Variants in NAV1 observed in about 807,000 individuals in gnomAD.
NAV1 encodes pore membrane and/or filament interacting like protein 3.
NAV1 carries 18 observed loss-of-function variants against 175.2 expected under a neutral mutation model. The observed-to-expected ratio is 0.10, with a 90% CI of 0.07 to 0.15. NAV1 has a LOEUF of 0.15. NAV1 is among the 10% of genes least tolerant of loss of function. NAV1 has a pLI of 1.00. For synonymous variants in NAV1, 897 were observed against 978.7 expected (o/e 0.92, Z 1.56); for missense variants, 1,731 against 2,436.6 (o/e 0.71, Z 6.10).
chr1:201,701,702 A>G (rs1671433766), intron 1 of NAV1, among the ~76,000 whole-genome samples: 1 of 152,268 alleles, frequency 6.6e-6, no homozygotes, highest in Admixed American at 6.5e-5. Context: ...CTTCATACCC[A>G]CTGGATGGCT....
At chr1:201,731,340 C>T (rs545405298) in intron 3 of NAV1, among the ~76,000 whole-genome samples, 25 of 152,068 alleles carry the variant, frequency 1.6e-4, no homozygotes, top group South Asian at 1.0e-3. Flanking sequence ...ACAGGCCCGC[C>T]GATGTGCAGG....
At position 201,692,718 on chromosome 1, in the gene NAV1, T is replaced by C. The variant is rs78432756; in HGVS notation, c.758-20099T>C. Among the ~76,000 whole-genome samples the C allele has an allele frequency of 3.3e-3, 503 of 152,326 alleles. 3 individuals carry two copies. In the East Asian group the frequency reaches 0.039, roughly 12 times the overall value. On this transcript the variant is annotated intron_variant, in intron 1 of 29. Transcript: ENST00000367296. ...TGGAACAGGGCTATCTCTAAGTCTG[T>C]CTGTAGGTAGGATCAGAGGCAGAGC...
exon 21 of NAV1, chr1:201,809,219 C>T (rs1417768130): frequency 6.2e-7 from 1 of 1,613,954 alleles, no homozygotes; most frequent in East Asian, 2.2e-5. Context: ...AAGTGACCCT[C>T]CGGGTGGTGG....
intron 1 of NAV1, among the ~76,000 whole-genome samples, chr1:201,699,040 T>G (rs1001506596): frequency 6.6e-5 from 10 of 152,334 alleles, no homozygotes; most frequent in Non-Finnish European, 1.0e-4. Context: ...AAGACAGGGA[T>G]GCCCTCTCTC....
intron 1 of NAV1, among the ~76,000 whole-genome samples, chr1:201,701,397 G>C (rs1394523607): frequency 1.4e-5 from 2 of 144,722 alleles, no homozygotes; most frequent in Non-Finnish European, 1.5e-5. Context: ...ATGTACCCTA[G>C]AACTTAAAGT....
In NAV1 at chr1:201,718,279, A is replaced by G; in HGVS notation, c.861-111A>G. The G allele has an allele frequency of 8.3e-7, 1 of 1,203,198 alleles. No individual in the cohort carries two copies. The highest frequency in any genetic ancestry group is 1.1e-6 in the Non-Finnish European group (1 of 906,446). The allele number at this position is 1,203,198 out of a possible 1,614,324, so 74.5% of individuals were successfully genotyped here. On this transcript the variant is annotated intron_variant, in intron 2 of 29. Coordinates refer to ENST00000367296, the Ensembl canonical transcript of NAV1. The surrounding 1 kb of genome is among the most constrained non-coding windows in gnomAD (Gnocchi z 4.8). ...GGTGGAGCTTGGGCAGGTGGGGAGG[A>G]GGTGACAGGGCCTGTGGGTGGAGGG...
At position 201,625,645 on chromosome 1, in the gene NAV1, C is replaced by T. The variant is rs188533091; in HGVS notation, c.-101+2039C>T. Among the ~76,000 whole-genome samples, 176 of 152,282 alleles carry T rather than the reference C, an allele frequency of 1.2e-3. 1 individual carries two copies. The Middle Eastern group carries it at 0.014, about 12-fold the overall frequency. On this transcript the variant is annotated intron_variant, in intron 1 of 29. Transcript: ENST00000367302. ...CAAGAAGCAGAAATGCAGGGCAGGCCTTCCTTTGAATGGCCTTTTTCCAAT... is the reference window on the plus strand; with the variant it reads ...CAAGAAGCAGAAATGCAGGGCAGGCTTTCCTTTGAATGGCCTTTTTCCAAT...
At chr1:201,651,311 CTG>C (rs1445759036) in intron 1 of NAV1, among the ~76,000 whole-genome samples, 9 of 152,210 alleles carry the variant, frequency 5.9e-5, no homozygotes, top group Non-Finnish European at 4.4e-5. Context: ...TGCCCTCACA[CTG>C]TCCCAGAAGC....
intron 3 of NAV1, among the ~76,000 whole-genome samples, chr1:201,734,503 A>AGAAGAAGAAGAAGAAGAAGAAGAG (rs1673021545): frequency 8.8e-6 from 1 of 113,738 alleles, no homozygotes; most frequent in Admixed American, 1.2e-4. Context: ...GAGAAGGAGA[A>AGAAGAAGAAGAAGAAGAAGAAGAG]GAAGAAGAAG....
chr1:201,680,815 G>T (rs1441492071), intron 1 of NAV1, among the ~76,000 whole-genome samples: 1 of 152,186 alleles, frequency 6.6e-6, no homozygotes, highest in Non-Finnish European at 1.5e-5. Context: ...TTGGGACAGA[G>T]AAAGGAGAAT....
intron 3 of NAV1, among the ~76,000 whole-genome samples, chr1:201,736,724 G>A (rs745887782): frequency 6.6e-6 from 1 of 152,106 alleles, no homozygotes; most frequent in African/African-American, 2.4e-5. Flanking sequence ...GTGCTGGCAC[G>A]GGAGACAAAT....
At chr1:201,544,557 A>C (rs1425972178) in intron 1 of NAV1, among the ~76,000 whole-genome samples, 1 of 152,182 alleles carries the variant, frequency 6.6e-6, no homozygotes, top group East Asian at 1.9e-4. Flanking sequence ...GCATTCCTGC[A>C]ACACTATGTT....
At chr1:201,703,608 T>C (rs571662650) in intron 1 of NAV1, among the ~76,000 whole-genome samples, 5 of 152,232 alleles carry the variant, frequency 3.3e-5, no homozygotes, top group Admixed American at 1.3e-4. Context: ...CGTGATCTTG[T>C]TGCTAAATAT....
chr1:201,743,647 AT>A (rs374921630), intron 3 of NAV1, among the ~76,000 whole-genome samples: 4,189 of 150,590 alleles, frequency 0.028, 168 homozygotes, highest in African/African-American at 0.086. Context: ...AATTCTTTAG[AT>A]TTTTTTTTTA....
rs964467223 is a variant in NAV1, at chr1:201,717,330, G to A, written c.861-1060G>A. 3.9e-5 allele frequency among the ~76,000 whole-genome samples: 6 copies of A among 152,294 alleles called. No individual in the cohort carries two copies. The South Asian group carries it at 6.2e-4, about 16-fold the overall frequency. ...TTTCTTGGCCACCAAACCCCGTTTC[G>A]CTTACTTAGTCCTGTCTGGCTTAAT... On this transcript the variant is annotated intron_variant, in intron 2 of 29. Coordinates refer to ENST00000367296, the Ensembl canonical transcript of NAV1.
intron 3 of NAV1, among the ~76,000 whole-genome samples, chr1:201,776,319 G>A (rs1439452348): frequency 9.1e-6 from 1 of 110,130 alleles, no homozygotes; most frequent in African/African-American, 3.7e-5. Flanking sequence ...GGCAACATAA[G>A]GAGACCCTGA....
chr1:201,542,329 C>A (rs1665537647), intron 1 of NAV1, among the ~76,000 whole-genome samples: 1 of 152,212 alleles, frequency 6.6e-6, no homozygotes, highest in African/African-American at 2.4e-5. Context: ...CATCTATCAA[C>A]TTTTCGAGTC....
chr1:201,730,611 C>T (rs896188442), intron 3 of NAV1, among the ~76,000 whole-genome samples: 3 of 152,212 alleles, frequency 2.0e-5, no homozygotes, highest in Non-Finnish European at 4.4e-5. Context: ...TGTCGACTGA[C>T]CAATGAATCA....
At chr1:201,631,822 A>G (rs1444670279) in intron 2 of NAV1, among the ~76,000 whole-genome samples, 3 of 152,188 alleles carry the variant, frequency 2.0e-5, no homozygotes, top group Non-Finnish European at 4.4e-5. Context: ...CAATTTGTAG[A>G]TGGCTGGGGG....
Sources: allele counts gnomAD v4.1 joint callset (sites outside exome capture counted in the v4.1 genomes callset), GRCh38; gene constraint gnomAD v4.1.1; non-coding constraint Gnocchi (gnomAD v3.1); transcripts MANE v1.5; gene names NCBI Gene and HGNC (gene_info 2026-07-23, HGNC 2026-07-21).